The following TENM3 variants were observed in gnomAD, a reference collection of about 807,000 sequenced individuals.
The protein encoded by TENM3 is teneurin-3.
TENM3 carries 63 observed loss-of-function variants against 255.1 expected under a neutral mutation model. That is an observed-to-expected ratio of 0.25 (90% CI 0.20 to 0.30). The LOEUF (loss-of-function observed/expected upper bound fraction) is 0.30, where lower values mean the gene tolerates loss of function less well. Among genes scored for constraint, TENM3 ranks in the 10% least tolerant of loss-of-function variants. The pLI is 1.00. For synonymous variants in TENM3, 1,306 were observed against 1,322.3 expected (o/e 0.99, Z 0.27); for missense variants, 2,929 against 3,461.1 (o/e 0.85, Z 3.86).
chr4:182,529,644 G>A (rs1381045848), intron 3 of TENM3, among the ~76,000 whole-genome samples: 1 of 152,116 alleles, frequency 6.6e-6, no homozygotes, highest in Non-Finnish European at 1.5e-5. Context: ...AATAACCAGG[G>A]AGCACTCCTT....
chr4:181,651,282 T>C, the TENM3 span, among the ~76,000 whole-genome samples: 1 of 152,174 alleles, frequency 6.6e-6, no homozygotes, highest in African/African-American at 2.4e-5. Context: ...TATAATCCCA[T>C]GTAATAAAAA....
chr4:182,214,527 T>TTTATTTAC (rs2149914544), intron 1 of TENM3, among the ~76,000 whole-genome samples: 1 of 151,380 alleles, frequency 6.6e-6, no homozygotes, highest in African/African-American at 2.4e-5. Context: ...TATTTATTTA[T>TTTATTTAC]TTATTTATTT....
the TENM3 span, among the ~76,000 whole-genome samples, chr4:181,559,599 G>A: frequency 7.2e-5 from 11 of 152,320 alleles, no homozygotes; most frequent in Admixed American, 3.3e-4. Context: ...AATACCATGT[G>A]AAACATTTAG....
the TENM3 span, among the ~76,000 whole-genome samples, chr4:181,482,498 A>G: frequency 6.6e-6 from 1 of 152,190 alleles, no homozygotes; most frequent in Admixed American, 6.5e-5. Flanking sequence ...ATAGGTGTAC[A>G]GTGTAGCTAC....
intron 3 of TENM3, among the ~76,000 whole-genome samples, chr4:182,349,245 G>C (rs1765021492): frequency 6.6e-6 from 1 of 152,028 alleles, no homozygotes; most frequent in South Asian, 2.1e-4. Flanking sequence ...ACGTTTTGAT[G>C]GTCTAAGAAT....
the TENM3 span, among the ~76,000 whole-genome samples, chr4:181,486,181 G>A: frequency 0.022 from 3,369 of 152,104 alleles, 117 homozygotes; most frequent in African/African-American, 0.077. Flanking sequence ...ACCTCAGCAG[G>A]AAAGCAATAC....
At chr4:181,646,911 C>T in the TENM3 span, among the ~76,000 whole-genome samples, 1 of 152,144 alleles carries the variant, frequency 6.6e-6, no homozygotes, top group African/African-American at 2.4e-5. Context: ...GTTAAGGAAA[C>T]TGAGTCACAC....
the TENM3 span, among the ~76,000 whole-genome samples, chr4:181,925,398 T>A: frequency 2.6e-5 from 4 of 152,224 alleles, no homozygotes; most frequent in Non-Finnish European, 5.9e-5. Context: ...CTTTAATTTA[T>A]CACAGTGTTA....
chr4:182,633,123 G>C (rs1751536000), intron 5 of TENM3, among the ~76,000 whole-genome samples: 1 of 151,874 alleles, frequency 6.6e-6, no homozygotes, highest in African/African-American at 2.4e-5. Context: ...GTAGAGACAA[G>C]ATCTCCCTAT....
chr4:181,553,733 G>T, the TENM3 span, among the ~76,000 whole-genome samples: 3 of 151,984 alleles, frequency 2.0e-5, no homozygotes, highest in Non-Finnish European at 4.4e-5. Context: ...GAGCCACCGC[G>T]CCCGGCCAAT....
chr4:182,773,655 C>G lies in TENM3; in HGVS notation c.5068+8C>G. 1 of 1,605,156 alleles carries G rather than the reference C, an allele frequency of 6.2e-7. No individual in the cohort carries two copies. Among genetic ancestry groups the G allele is most frequent in the Non-Finnish European group, 8.5e-7 (1 of 1,174,264 alleles). On this transcript the variant is annotated splice_region_variant and intron_variant, in intron 23 of 27. Transcript: ENST00000511685. ...TCTACACCATGGTTCAAGGTAAACA[C>G]GAAAGCATCATTTTAAACAAGTACC... is the stretch of plus-strand genomic sequence containing the variant.
the TENM3 span, among the ~76,000 whole-genome samples, chr4:181,581,582 A>C: frequency 5.9e-5 from 9 of 152,100 alleles, no homozygotes; most frequent in Admixed American, 5.9e-4. Context: ...CCCCCTTTCA[A>C]ACTCTCAAAA....
chr4:182,592,898 C>G (rs557712588), intron 3 of TENM3, among the ~76,000 whole-genome samples: 29 of 152,282 alleles, frequency 1.9e-4, no homozygotes, highest in African/African-American at 6.0e-4. Flanking sequence ...GAAATGAAGA[C>G]TTTAATTCCA....
chr4:182,271,452 G>C (rs1371361596), intron 1 of TENM3, among the ~76,000 whole-genome samples: 1 of 152,112 alleles, frequency 6.6e-6, no homozygotes, highest in Non-Finnish European at 1.5e-5. Flanking sequence ...CATAGGTGGA[G>C]GCGCAGGACA....
At chr4:181,949,614 C>T in the TENM3 span, among the ~76,000 whole-genome samples, 22 of 152,306 alleles carry the variant, frequency 1.4e-4, no homozygotes, top group South Asian at 8.3e-4. Flanking sequence ...CCTATTCCTC[C>T]GCATGAAAGC....
the TENM3 span, among the ~76,000 whole-genome samples, chr4:181,778,729 A>G: frequency 2.6e-5 from 4 of 152,280 alleles, no homozygotes; most frequent in South Asian, 8.3e-4. Context: ...AGAAATATCT[A>G]AAAGAAATGC....
chr4:182,065,761 G>A, the TENM3 span, among the ~76,000 whole-genome samples: 1 of 152,152 alleles, frequency 6.6e-6, no homozygotes, highest in African/African-American at 2.4e-5. Flanking sequence ...CCTCTGAAAC[G>A]AAATACTGAC....
chr4:182,543,365 T>C (rs1741092039), intron 3 of TENM3, among the ~76,000 whole-genome samples: 1 of 152,226 alleles, frequency 6.6e-6, no homozygotes, highest in African/African-American at 2.4e-5. Context: ...AGGAGGTTCA[T>C]GCAATTATTC....
the TENM3 span, among the ~76,000 whole-genome samples, chr4:181,857,612 G>C: frequency 6.9e-6 from 1 of 145,640 alleles, no homozygotes; most frequent in East Asian, 2.1e-4. Context: ...AAACACATTA[G>C]CCAGGCATAG....
Sources: allele counts gnomAD v4.1 joint callset (sites outside exome capture counted in the v4.1 genomes callset), GRCh38; gene constraint gnomAD v4.1.1; transcripts MANE v1.5; gene names NCBI Gene and HGNC (gene_info 2026-07-23, HGNC 2026-07-21).